MAPK14: variants seen among roughly 807,000 people sequenced by gnomAD.
MAPK14 encodes CSAID-binding protein.
MAPK14 carries 16 observed loss-of-function variants against 49.6 expected under a neutral mutation model. That is an observed-to-expected ratio of 0.32 (90% CI 0.22 to 0.49). The LOEUF (loss-of-function observed/expected upper bound fraction) is 0.49. Among genes scored for constraint, MAPK14 ranks in the 20% least tolerant of loss-of-function variants. The probability of loss-of-function intolerance (pLI) is 0.99; values close to 1 mark genes in which losing one functional copy is unlikely to be tolerated. For synonymous variants in MAPK14, 142 were observed against 158.0 expected (o/e 0.90, Z 0.76); for missense variants, 200 against 441.2 (o/e 0.45, Z 4.90).
intron 10 of MAPK14, among the ~76,000 whole-genome samples, chr6:36,105,115 G>T (rs1765762887): frequency 6.6e-6 from 1 of 152,194 alleles, no homozygotes; most frequent in African/African-American, 2.4e-5. Context: ...AACTGAGCAG[G>T]AACATGCCAG....
At chr6:36,075,536 T>C (rs943531615) in intron 6 of MAPK14, among the ~76,000 whole-genome samples, 3 of 152,190 alleles carry the variant, frequency 2.0e-5, no homozygotes, top group African/African-American at 4.8e-5. Context: ...GACATTTGCT[T>C]GAGTTTGAGG....
intron 8 of MAPK14, among the ~76,000 whole-genome samples, chr6:36,093,151 G>C (rs1057054028): frequency 6.6e-6 from 1 of 152,176 alleles, no homozygotes; most frequent in Non-Finnish European, 1.5e-5. Context: ...TAAGTACTTG[G>C]AAGCTTAGAA....
intron 8 of MAPK14, among the ~76,000 whole-genome samples, chr6:36,083,711 A>T (rs1764858712): frequency 1.3e-5 from 2 of 152,168 alleles, no homozygotes; most frequent in Admixed American, 6.5e-5. Flanking sequence ...TCTCCCTGGG[A>T]TGGAGCCCCT....
intron 8 of MAPK14, chr6:36,092,490 C>A: frequency 1.7e-6 from 1 of 589,470 alleles, no homozygotes; most frequent in East Asian, 4.0e-5. Flanking sequence ...CTGTTCTTTC[C>A]TGGTTGTATG....
At chr6:36,078,350 T>C (rs906842263) in intron 8 of MAPK14, among the ~76,000 whole-genome samples, 1 of 152,230 alleles carries the variant, frequency 6.6e-6, no homozygotes, top group African/African-American at 2.4e-5. Context: ...AGATTACCCC[T>C]TCACCTTCTC....
chr6:36,031,407 T>G (rs144285211), intron 1 of MAPK14, among the ~76,000 whole-genome samples: 1 of 152,112 alleles, frequency 6.6e-6, no homozygotes, highest in Non-Finnish European at 1.5e-5. Context: ...TGTGATATTC[T>G]TCTTCTTTTT....
Position 36,082,109 on chromosome 6 carries a change from T to C in MAPK14, c.682+5501T>C, listed in dbSNP as rs150049400. Among the ~76,000 whole-genome samples the C allele has an allele frequency of 3.3e-3, 498 of 152,362 alleles. 6 individuals are homozygous for C. Among genetic ancestry groups the C allele is most frequent in the African/African-American group, 0.011 (470 of 41,590 alleles). On this transcript the variant is annotated intron_variant, in intron 8 of 11. Transcript: ENST00000229794. ...ATTTGCTCAATTTATTTATTAGCTC[T>C]AGCAGCTTTCTTCTAGATTCTTTGT...
intron 3 of MAPK14, among the ~76,000 whole-genome samples, chr6:36,063,590 A>G (rs1465172407): frequency 6.6e-6 from 1 of 152,180 alleles, no homozygotes; most frequent in African/African-American, 2.4e-5. Flanking sequence ...TATGTGGTCC[A>G]CTGTTGACTG....
At chr6:36,031,400 G>T (rs977160535) in intron 1 of MAPK14, among the ~76,000 whole-genome samples, 3 of 152,056 alleles carry the variant, frequency 2.0e-5, no homozygotes, top group Non-Finnish European at 4.4e-5. Context: ...TGGAGCCTGT[G>T]ATATTCTTCT....
At chr6:36,115,720 G>T (rs1432914531), downstream of MAPK14, among the ~76,000 whole-genome samples, 2 of 152,162 alleles carry the variant, frequency 1.3e-5, no homozygotes, top group African/African-American at 4.8e-5. Context: ...TCGCCATCCT[G>T]GCCAACATGG....
At chr6:36,098,257 T>C (rs58727632) in intron 9 of MAPK14, among the ~76,000 whole-genome samples, 2,720 of 152,264 alleles carry the variant, frequency 0.018, 65 homozygotes, top group African/African-American at 0.056. Flanking sequence ...TTAGAACCTA[T>C]TAGAATGAGC....
At chr6:36,086,618 C>G (rs1764996101) in intron 8 of MAPK14, among the ~76,000 whole-genome samples, 1 of 151,868 alleles carries the variant, frequency 6.6e-6, no homozygotes, top group Non-Finnish European at 1.5e-5. Flanking sequence ...GTTGAATCTA[C>G]CAATAACAAG....
At chr6:36,102,476 C>A in intron 9 of MAPK14, 95 bp from the exon 10 acceptor site, 1 of 891,370 alleles carries the variant, frequency 1.1e-6, no homozygotes, top group South Asian at 1.4e-5. Flanking sequence ...TGGACTTTGT[C>A]AGTTAACACT....
chr6:36,052,211 C>A (rs541673851), intron 1 of MAPK14, among the ~76,000 whole-genome samples: 212 of 150,984 alleles, frequency 1.4e-3, no homozygotes, highest in African/African-American at 4.4e-3. Context: ...CGACTCTGAG[C>A]AGGCAGCAGA....
chr6:36,051,853 T>C (rs1394703424), intron 1 of MAPK14, among the ~76,000 whole-genome samples: 1 of 152,188 alleles, frequency 6.6e-6, no homozygotes, highest in Non-Finnish European at 1.5e-5. Context: ...CAATTTCTTG[T>C]ATGTGTGGGT....
intron 1 of MAPK14, among the ~76,000 whole-genome samples, chr6:36,033,689 A>T (rs1762632988): frequency 6.6e-6 from 1 of 152,132 alleles, no homozygotes; most frequent in Non-Finnish European, 1.5e-5. Context: ...ATTTCTTGAT[A>T]CTGAGGAGTA....
chr6:36,074,896 GAGCCATTGCTCCC>G (rs1764460210), intron 6 of MAPK14, among the ~76,000 whole-genome samples: 1 of 151,700 alleles, frequency 6.6e-6, no homozygotes, highest in East Asian at 2.0e-4. Context: ...TTGCAGGTGT[GAGCCATTGCTCCC>G]AGCCAAGAAC....
chr6:36,042,476 C>CTTTT (rs113286534), intron 1 of MAPK14, among the ~76,000 whole-genome samples: 25 of 102,644 alleles, frequency 2.4e-4, no homozygotes, highest in South Asian at 3.7e-4. Flanking sequence ...GAAGGAATAT[C>CTTTT]TTTTTTTTTT....
Position 36,108,938 on chromosome 6 carries a change from A to G in MAPK14, c.*491A>G, listed in dbSNP as rs1234708990. The G allele has an allele frequency of 1.2e-5, 2 of 164,214 alleles. No homozygotes were observed. Among genetic ancestry groups the G allele is most frequent in the Admixed American group, 5.9e-5 (1 of 17,002 alleles). 10.2% of individuals were successfully genotyped at this position (164,214 alleles called of 1,614,324 possible). On this transcript the variant is annotated 3_prime_UTR_variant, in exon 12 of 12. Coordinates refer to ENST00000229794, the MANE Select transcript of MAPK14 (RefSeq NM_139012.3). ...TGCTTCAGACCTGACACCGTCCCTC[A>G]GTGATACGTACAGCCAAAAAGGACC...
Sources: gnomAD v4.1 joint callset for allele counts (sites outside exome capture counted in the v4.1 genomes callset) on GRCh38, gnomAD v4.1.1 for gene constraint, MANE v1.5 for transcripts, NCBI Gene and HGNC (gene_info 2026-07-23, HGNC 2026-07-21) for gene names.